TSGA10: variants seen among roughly 807,000 people sequenced by gnomAD.
TSGA10 encodes testis-specific gene 10 protein.
A neutral mutation model predicts 96.6 loss-of-function variants in TSGA10; 43 were observed. That is an observed-to-expected ratio of 0.44 (90% CI 0.35 to 0.57). The LOEUF is 0.57. Among genes scored for constraint, TSGA10 ranks in the 20% least tolerant of loss-of-function variants. TSGA10 has a pLI of 0.01. For missense variants in TSGA10, 703 were observed against 834.4 expected (o/e 0.84, Z 1.94); for synonymous variants, 229 against 269.9 (o/e 0.85, Z 1.48).
chr2:99,029,316 G>C (rs1558773670), intron 17 of TSGA10, among the ~76,000 whole-genome samples: 1 of 152,132 alleles, frequency 6.6e-6, no homozygotes, highest in Non-Finnish European at 1.5e-5. Flanking sequence ...TCCTTGAGAA[G>C]AGTTAGTTAA....
At chr2:99,074,151 T>A (rs542055129) in intron 12 of TSGA10, among the ~76,000 whole-genome samples, 1 of 151,888 alleles carries the variant, frequency 6.6e-6, no homozygotes, top group East Asian at 1.9e-4. Flanking sequence ...TAGCTGGGAC[T>A]ACAGGCATGC....
chr2:99,134,256 T>C (rs2093233438), intron 1 of TSGA10, among the ~76,000 whole-genome samples: 1 of 152,150 alleles, frequency 6.6e-6, no homozygotes. Context: ...TAGTCCCATA[T>C]TTCTTGGAGG....
chr2:99,012,352 T>C (rs1056586082), intron 20 of TSGA10, among the ~76,000 whole-genome samples: 1 of 152,180 alleles, frequency 6.6e-6, no homozygotes, highest in African/African-American at 2.4e-5. Context: ...ATGTTGAATG[T>C]AAAGAGCCTA....
At chr2:99,076,869 T>TA (rs2086757463) in intron 12 of TSGA10, among the ~76,000 whole-genome samples, 4 of 152,140 alleles carry the variant, frequency 2.6e-5, no homozygotes, top group African/African-American at 9.7e-5. Context: ...CAGTGACTAC[T>TA]ATCTAGTCAT....
chr2:99,078,270 TG>T (rs2086991180), intron 12 of TSGA10, among the ~76,000 whole-genome samples: 1 of 76,598 alleles, frequency 1.3e-5, no homozygotes. Flanking sequence ...GACTCCCGTT[TG>T]AAAAAAAAAA....
chr2:99,073,434 T>C (rs1186393897), intron 12 of TSGA10, among the ~76,000 whole-genome samples: 2 of 152,196 alleles, frequency 1.3e-5, no homozygotes, highest in Non-Finnish European at 2.9e-5. Context: ...CATTTTATAC[T>C]GGGATTTAGA....
chr2:99,060,168 T>C (rs1027903439), intron 16 of TSGA10, among the ~76,000 whole-genome samples: 1 of 152,134 alleles, frequency 6.6e-6, no homozygotes, highest in African/African-American at 2.4e-5. Flanking sequence ...TTTTAAAATC[T>C]ACAAAAACCT....
chr2:99,140,920 T>C (rs947199546), intron 1 of TSGA10: 22 of 345,416 alleles, frequency 6.4e-5, no homozygotes, highest in Non-Finnish European at 3.0e-5. Context: ...GGCCGGCAGC[T>C]GTGCCCGCCG....
chr2:99,118,963 T>C (rs2092430930), intron 2 of TSGA10, among the ~76,000 whole-genome samples: 2 of 152,084 alleles, frequency 1.3e-5, no homozygotes, highest in Non-Finnish European at 2.9e-5. Context: ...TAGTACCCTG[T>C]AAAAGATGCA....
chr2:99,051,879 C>A (rs2083430454), intron 16 of TSGA10, among the ~76,000 whole-genome samples: 1 of 150,966 alleles, frequency 6.6e-6, no homozygotes, highest in Non-Finnish European at 1.5e-5. Context: ...CCAAAATAAC[C>A]AATGGGACAA....
intron 16 of TSGA10, among the ~76,000 whole-genome samples, chr2:99,057,413 A>G (rs1262029056): frequency 6.6e-6 from 1 of 152,174 alleles, no homozygotes; most frequent in Non-Finnish European, 1.5e-5. Context: ...GTTGCAGGAT[A>G]CAAGATCGAT....
intron 16 of TSGA10, among the ~76,000 whole-genome samples, chr2:99,051,600 A>T (rs1337002592): frequency 6.6e-6 from 1 of 152,170 alleles, no homozygotes; most frequent in Non-Finnish European, 1.5e-5. Context: ...AGGTAAATAG[A>T]AGACTTAAAC....
rs1301147995 is a variant in TSGA10, at chr2:99,105,573, A to G, written c.335T>C (p.Leu112Ser). Residue 112 changes from leucine (L) to serine (S), a missense_variant, in exon 8 of 21, where the codon TTA (leucine) becomes TCA (serine). Leu to Ser is a moderately radical substitution (Grantham distance 145). Transcript: ENST00000393483. The stretch of plus-strand genomic sequence containing the variant: ...ATCTCGTTCTGTGGTCATTCTTCGT[A>G]AATCAGTAAAGGCTACATCTCTTTC... ...ETERDVAFTD[L>S]RRMTTERDSL... is the part of the protein sequence containing the mutation. 1 of 1,612,332 alleles carries G rather than the reference A, an allele frequency of 6.2e-7. No homozygotes were observed. The highest frequency in any genetic ancestry group is 8.5e-7 in the Non-Finnish European group (1 of 1,178,426).
chr2:99,063,426 A>G (rs947743693), intron 16 of TSGA10, among the ~76,000 whole-genome samples: 5 of 152,216 alleles, frequency 3.3e-5, no homozygotes, highest in Non-Finnish European at 7.3e-5. Flanking sequence ...AAGGAAGGTG[A>G]AAAGACAAGC....
Position 99,035,356 on chromosome 2 carries a change from C to G in TSGA10, c.1488G>C (p.Lys496Asn), listed in dbSNP as rs1319644897. ...SVVKMEEELQ[K>N]VQFEKVSALA... ...GAGCGGACACTTTTTCAAACTGAAC[C>G]TTCTGAAGCTCCTCTTCCATTTTTA... Residue 496 changes from lysine to asparagine, a missense_variant, in exon 17 of 21, where the codon AAG becomes AAC. By Grantham distance (94) the Lys-to-Asn change is moderately conservative. Coordinates refer to ENST00000393483, the MANE Select transcript of TSGA10 (RefSeq NM_025244.4). 2.5e-6 allele frequency: 4 copies of G among 1,613,252 alleles called. No individual in the cohort carries two copies. Among genetic ancestry groups the G allele is most frequent in the Non-Finnish European group, 3.4e-6 (4 of 1,179,540 alleles).
intron 12 of TSGA10, among the ~76,000 whole-genome samples, chr2:99,073,330 T>C (rs2086206370): frequency 6.6e-6 from 1 of 152,182 alleles, no homozygotes; most frequent in African/African-American, 2.4e-5. Flanking sequence ...AAATTCTTTG[T>C]CAAAAGATAT....
intron 20 of TSGA10, among the ~76,000 whole-genome samples, chr2:99,003,764 C>T (rs1165886606): frequency 1.3e-5 from 2 of 152,226 alleles, no homozygotes; most frequent in South Asian, 2.1e-4. Flanking sequence ...AGAACAAAGA[C>T]ACAACATACC....
chr2:99,116,684 TCA>T (rs1474756315), intron 4 of TSGA10, among the ~76,000 whole-genome samples: 1 of 151,254 alleles, frequency 6.6e-6, no homozygotes, highest in Non-Finnish European at 1.5e-5. Context: ...ATCTCAGACA[TCA>T]GTAAGAAAAA....
chr2:99,072,959 C>T (rs2086161008), intron 13 of TSGA10, 59 bp downstream of exon 13: 1 of 1,189,506 alleles, frequency 8.4e-7, no homozygotes. Context: ...ATCTTTGTAC[C>T]TAACATGGTA....
Sources: allele counts gnomAD v4.1 joint callset (sites outside exome capture counted in the v4.1 genomes callset), GRCh38; gene constraint gnomAD v4.1.1; transcripts MANE v1.5; gene names NCBI Gene and HGNC (gene_info 2026-07-23, HGNC 2026-07-21).